Variants in ITM2C observed in about 807,000 individuals in gnomAD.
ITM2C encodes the protein BRICHOS domain containing 2C.
A neutral mutation model predicts 30.0 loss-of-function variants in ITM2C; 20 were observed. The ratio of observed to expected loss-of-function variants is 0.67; its 90% CI spans 0.47 to 0.97. The LOEUF is 0.97. ITM2C is among the 50% of genes least tolerant of loss of function. ITM2C has a pLI of 0.00. For synonymous variants in ITM2C, 167 were observed against 156.4 expected (o/e 1.07, Z -0.51); for missense variants, 366 against 371.9 (o/e 0.98, Z 0.13).
At chr2:230,869,968 C>T (rs774379139) in intron 1 of ITM2C, among the ~76,000 whole-genome samples, 5 of 152,244 alleles carry the variant, frequency 3.3e-5, no homozygotes, top group Non-Finnish European at 7.3e-5. Context: ...ACCTCACTGT[C>T]AGTAACTGCT....
upstream of ITM2C, chr2:230,864,822 C>T (rs1186646359): frequency 4.5e-6 from 2 of 442,188 alleles, no homozygotes; most frequent in Non-Finnish European, 6.8e-6. This position sits in a 1 kb window ranked among gnomAD's most constrained non-coding sequence, Gnocchi z 4.3. Flanking sequence ...CACTGCGGGC[C>T]CCGCGGGCGG....
Position 230,877,659 on chromosome 2 carries a change from G to A in ITM2C, c.712+109G>A. 8.4e-7 allele frequency: 1 copy of A among 1,192,362 alleles called. No homozygotes were observed. The highest frequency in any genetic ancestry group is 1.2e-6 in the Non-Finnish European group (1 of 829,734). The allele number at this position is 1,192,362 out of a possible 1,614,324, so 73.9% of individuals were successfully genotyped here. On this transcript the variant is annotated intron_variant, in intron 5 of 5. Coordinates refer to ENST00000326427, the MANE Select transcript of ITM2C (RefSeq NM_030926.6). This position sits in a 1 kb window ranked among gnomAD's most constrained non-coding sequence, Gnocchi z 4.8. ...AGCTCAGATAGCAGCAGCAATAACA[G>A]CTAGCATTAGCAGAGCACTTCCGTG...
At chr2:230,868,459 G>GCATTCACACACA (rs553555961) in intron 1 of ITM2C, among the ~76,000 whole-genome samples, 84 of 110,880 alleles carry the variant, frequency 7.6e-4, no homozygotes, top group South Asian at 1.7e-3. Context: ...GCCTGTGCCT[G>GCATTCACACACA]CACTCACACA....
At chr2:230,868,184 G>C (rs567611789) in intron 1 of ITM2C, among the ~76,000 whole-genome samples, 2 of 152,116 alleles carry the variant, frequency 1.3e-5, no homozygotes, top group African/African-American at 4.8e-5. Flanking sequence ...GTGGACCTGA[G>C]ACTGGAAGGA....
At position 230,865,241 on chromosome 2, in the gene ITM2C, G is replaced by A. The variant is rs1696997272; in HGVS notation, c.120+96G>A. 3.3e-6 allele frequency: 4 copies of A among 1,229,762 alleles called. No individual in the cohort carries two copies. Among genetic ancestry groups the A allele is most frequent in the Non-Finnish European group, 4.1e-6 (4 of 965,582 alleles). The allele number at this position is 1,229,762 out of a possible 1,614,324, so 76.2% of individuals were successfully genotyped here. A position where few individuals can be genotyped will look rare whatever the true frequency, so the allele number is the denominator to read the frequency against. On this transcript the variant is annotated intron_variant, in intron 1 of 5. Coordinates refer to ENST00000326427, the MANE Select transcript of ITM2C (RefSeq NM_030926.6). The surrounding 1 kb of genome is among the most constrained non-coding windows in gnomAD (Gnocchi z 6.8). ...CCTGGGGACTGCCCGAGGCGCGTCA[G>A]GGCCCCAGAGCCCGGGGTGGAGCAG... is the stretch of plus-strand genomic sequence containing the variant.
At chr2:230,867,427 C>G (rs745918095) in intron 1 of ITM2C, among the ~76,000 whole-genome samples, 2 of 152,156 alleles carry the variant, frequency 1.3e-5, no homozygotes, top group Non-Finnish European at 2.9e-5. Flanking sequence ...GTCTCCTGCC[C>G]CCAGCAGTGA....
At chr2:230,864,195 G>C (rs939172875), upstream of ITM2C, among the ~76,000 whole-genome samples, 1 of 152,128 alleles carries the variant, frequency 6.6e-6, no homozygotes, top group Non-Finnish European at 1.5e-5. The surrounding 1 kb of genome is among the most constrained non-coding windows in gnomAD (Gnocchi z 4.3). Flanking sequence ...CTCTCGCCAG[G>C]GTCCTCCTGG....
In ITM2C at chr2:230,877,889, G is replaced by T; in HGVS notation, c.713-119G>T. ...CTCCCCATTTCTCACTGTGCTCTTT[G>T]GGTGAATCTGGGTGAATGGTGTCAC... is the stretch of plus-strand genomic sequence containing the variant. On this transcript the variant is annotated intron_variant, in intron 5 of 5. Transcript: ENST00000326427. This position sits in a 1 kb window ranked among gnomAD's most constrained non-coding sequence, Gnocchi z 4.8. The T allele has an allele frequency of 1.3e-6, 1 of 774,360 alleles. No homozygotes were observed. Among genetic ancestry groups the T allele is most frequent in the Non-Finnish European group, 2.1e-6 (1 of 467,042 alleles). The allele number at this position is 774,360 out of a possible 1,614,324, so 48.0% of individuals were successfully genotyped here. A position where few individuals can be genotyped will look rare whatever the true frequency, so the allele number is the denominator to read the frequency against.
rs767022366 is a variant in ITM2C, at chr2:230,865,098, G to T, written c.73G>T (p.Ala25Ser). The T allele has an allele frequency of 1.2e-4, 188 of 1,519,656 alleles. No individual in the cohort carries two copies. The highest frequency in any genetic ancestry group is 1.6e-4 in the Non-Finnish European group (184 of 1,129,494). 94.1% of individuals were successfully genotyped at this position (1,519,656 alleles called of 1,614,324 possible). A position where few individuals can be genotyped will look rare whatever the true frequency, so the allele number is the denominator to read the frequency against. Residue 25 changes from alanine (A) to serine (S), a missense_variant, in exon 1 of 6, where the codon GCC (alanine) becomes TCC (serine). By Grantham distance (99) the Ala-to-Ser change is moderately conservative. Coordinates refer to ENST00000326427, the MANE Select transcript of ITM2C (RefSeq NM_030926.6). The surrounding 1 kb of genome is among the most constrained non-coding windows in gnomAD (Gnocchi z 6.8). ...GDKADKASAS[A>S]PAPASATEIL... ...CAAGGCTGACAAGGCGTCGGCGTCGGCCCCTGCGCCGGCCTCGGCCACCGA... is the reference window on the plus strand; with the variant it reads ...CAAGGCTGACAAGGCGTCGGCGTCGTCCCCTGCGCCGGCCTCGGCCACCGA...
chr2:230,878,155 T>G lies in ITM2C; in HGVS notation c.*56T>G. The G allele has an allele frequency of 2.4e-6, 3 of 1,276,002 alleles. No individual in the cohort carries two copies. The highest frequency in any genetic ancestry group is 1.5e-5 in the African/African-American group (1 of 66,784). The allele number at this position is 1,276,002 out of a possible 1,614,324, so 79.0% of individuals were successfully genotyped here. A position where few individuals can be genotyped will look rare whatever the true frequency, so the allele number is the denominator to read the frequency against. Reference sequence around the variant, plus strand: ...TTCCTCTTTTCTTCTTTCCGGCTGCTCTCTGGCCCTCCTCCTTCCCCCTGC... The same window carrying G: ...TTCCTCTTTTCTTCTTTCCGGCTGCGCTCTGGCCCTCCTCCTTCCCCCTGC... On this transcript the variant is annotated 3_prime_UTR_variant, in exon 6 of 6. Transcript: ENST00000326427. This position sits in a 1 kb window ranked among gnomAD's most constrained non-coding sequence, Gnocchi z 4.5.
At chr2:230,875,243 T>G (rs1697262497) in intron 2 of ITM2C, among the ~76,000 whole-genome samples, 1 of 152,236 alleles carries the variant, frequency 6.6e-6, no homozygotes, top group South Asian at 2.1e-4. Flanking sequence ...CCACCCCTTT[T>G]CCCAGTCACC....
Position 230,865,053 on chromosome 2 carries a change from G to T in ITM2C, c.28G>T (p.Val10Leu), listed in dbSNP as rs747135256. The change falls in exon 1 of 6, where the codon GTG becomes TTG. Residue 10 changes from valine to leucine, a missense_variant. Coordinates refer to ENST00000326427, the MANE Select transcript of ITM2C (RefSeq NM_030926.6). This position sits in a 1 kb window ranked among gnomAD's most constrained non-coding sequence, Gnocchi z 6.8. MVKISFQPAVAGIKGDKADK... is the reference protein window; with the variant it reads MVKISFQPALAGIKGDKADK... Reference sequence around the variant, plus strand: ...GGTGAAGATTAGCTTCCAGCCCGCCGTGGCTGGCATCAAGGGCGACAAGGC... The same window carrying T: ...GGTGAAGATTAGCTTCCAGCCCGCCTTGGCTGGCATCAAGGGCGACAAGGC... 1.6e-4 allele frequency: 238 copies of T among 1,526,220 alleles called. No homozygotes were observed. The highest frequency in any genetic ancestry group is 2.1e-4 in the Non-Finnish European group (232 of 1,131,464). 94.5% of individuals were successfully genotyped at this position (1,526,220 alleles called of 1,614,324 possible). A position where few individuals can be genotyped will look rare whatever the true frequency, so the allele number is the denominator to read the frequency against.
rs779589675 is a variant in ITM2C at position 230,875,670 on chromosome 2, G to A, written c.312G>A (p.Leu104=). The stretch of plus-strand genomic sequence containing the variant: ...GTGGTGTGCTGTATGAGGACTCCCT[G>A]TCCTCCCAGGTCCGGACTCAGATGG... ...FRCGVLYEDS[L]SSQVRTQMEL... Residue 104 remains leucine, a synonymous_variant, in exon 3 of 6, where the codon CTG becomes CTA. Coordinates refer to ENST00000326427, the MANE Select transcript of ITM2C (RefSeq NM_030926.6). 2.2e-5 allele frequency: 35 copies of A among 1,613,544 alleles called. No individual in the cohort carries two copies. Among genetic ancestry groups the A allele is most frequent in the Non-Finnish European group, 3.0e-5 (35 of 1,179,762 alleles).
chr2:230,873,683 C>A, intron 2 of ITM2C, 126 bp downstream of exon 2: 1 of 923,774 alleles, frequency 1.1e-6, no homozygotes, highest in East Asian at 3.1e-5. Context: ...GAGCGAGTGC[C>A]CGGCCAGCCC....
chr2:230,876,641 CT>C (rs1697305554), intron 3 of ITM2C, among the ~76,000 whole-genome samples: 1 of 152,216 alleles, frequency 6.6e-6, no homozygotes, highest in South Asian at 2.1e-4. Flanking sequence ...ACCACCACGC[CT>C]GGCAAATTTT....
rs1461060726 is a variant in ITM2C, at chr2:230,875,774, G to T, written c.416G>T (p.Gly139Val). ...GTGCCTGTGCCCCAGTTTGGCGGCG[G>T]TGACCCTGCAGACATCATCCATGAC... ...INVPVPQFGG[G>V]DPADIIHDFQ... The change falls in exon 3 of 6, where the codon GGT (glycine) becomes GTT (valine). Residue 139 changes from glycine (G) to valine (V), a missense_variant. By Grantham distance (109) the Gly-to-Val change is moderately radical. Coordinates refer to ENST00000326427, the MANE Select transcript of ITM2C (RefSeq NM_030926.6). 1 of 1,536,944 alleles carries T rather than the reference G, an allele frequency of 6.5e-7. No homozygotes were observed. The highest frequency in any genetic ancestry group is 8.8e-7 in the Non-Finnish European group (1 of 1,132,018).
chr2:230,869,874 G>T (rs967758798), intron 1 of ITM2C, among the ~76,000 whole-genome samples: 5 of 151,874 alleles, frequency 3.3e-5, no homozygotes, highest in Non-Finnish European at 7.4e-5. Context: ...CGGCTCATGC[G>T]CCCTTCGCTC....
rs948586983 is a variant in ITM2C, at chr2:230,877,427, A to G, written c.589A>G (p.Ile197Val). 1 of 1,613,896 alleles carries G rather than the reference A, an allele frequency of 6.2e-7. No individual in the cohort carries two copies. The highest frequency in any genetic ancestry group is 1.3e-5 in the African/African-American group (1 of 74,932). The part of the protein sequence containing the change: ...KRGTYLPQTY[I>V]IQEEMVVTEH... ...GGGGACCTACCTGCCGCAGACGTAC[A>G]TCATCCAGGAGGAGATGGTGGTCAC... Residue 197 changes from isoleucine (I) to valine (V), a missense_variant, in exon 5 of 6, where the codon ATC becomes GTC. Physicochemically the swap from Ile to Val is conservative, Grantham distance 29. Transcript: ENST00000326427. This position sits in a 1 kb window ranked among gnomAD's most constrained non-coding sequence, Gnocchi z 4.8.
chr2:230,864,920 G>C (rs1479379076), upstream of ITM2C: 2 of 1,243,510 alleles, frequency 1.6e-6, no homozygotes, highest in South Asian at 2.6e-5. This position sits in a 1 kb window ranked among gnomAD's most constrained non-coding sequence, Gnocchi z 4.3. Context: ...AGAGGGACGC[G>C]AGCGGGATCC....
Sources: allele counts gnomAD v4.1 joint callset (sites outside exome capture counted in the v4.1 genomes callset), GRCh38; gene constraint gnomAD v4.1.1; non-coding constraint Gnocchi (gnomAD v3.1); transcripts MANE v1.5; gene names NCBI Gene and HGNC (gene_info 2026-07-23, HGNC 2026-07-21).